FRY: variants seen among roughly 807,000 people sequenced by gnomAD.
FRY encodes the protein protein furry homolog.
FRY carries 128 observed loss-of-function variants against 348.4 expected under a neutral mutation model. That is an observed-to-expected ratio of 0.37 (90% CI 0.32 to 0.43). FRY has a LOEUF of 0.43. FRY is among the 20% of genes least tolerant of loss of function. FRY has a pLI of 1.00. For missense variants in FRY, 2,736 were observed against 3,695.2 expected, an observed-to-expected ratio of 0.74 and a Z score of 6.73; for synonymous variants, 1,370 against 1,374.7, an observed-to-expected ratio of 1.00 and a Z score of 0.08.
intron 29 of FRY, among the ~76,000 whole-genome samples, chr13:32,194,908 A>AAG (rs3067770): frequency 0.74 from 112,476 of 151,932 alleles, 41,963 homozygotes; most frequent in East Asian, 0.98. Flanking sequence ...ATTCCCAAGA[A>AAG]AGCTTATGTA....
intron 2 of FRY, among the ~76,000 whole-genome samples, chr13:32,092,915 A>T (rs1300994505): frequency 1.3e-5 from 2 of 152,218 alleles, no homozygotes; most frequent in African/African-American, 4.8e-5. Context: ...CATCTTTAAA[A>T]ACGAGACATT....
At chr13:32,205,703 G>C (rs77934408) in intron 31 of FRY, among the ~76,000 whole-genome samples, 1 of 152,018 alleles carries the variant, frequency 6.6e-6, no homozygotes, top group Non-Finnish European at 1.5e-5. Flanking sequence ...AAGCTGCTGG[G>C]GTTTTGAAAG....
At chr13:32,051,332 A>G (rs1318464019) in intron 1 of FRY, among the ~76,000 whole-genome samples, 4 of 152,192 alleles carry the variant, frequency 2.6e-5, no homozygotes, top group African/African-American at 9.7e-5. Flanking sequence ...TGGGAGAGGA[A>G]GAAGCAGAGG....
intron 2 of FRY, among the ~76,000 whole-genome samples, chr13:32,092,854 C>G: frequency 6.6e-6 from 1 of 152,034 alleles, no homozygotes. Context: ...AGGAAAAGAT[C>G]AAAAAAATTG....
At chr13:32,243,935 T>TA (rs1186396580) in intron 46 of FRY, 107 bp from the exon 47 acceptor site, 5 of 1,304,024 alleles carry the variant, frequency 3.8e-6, no homozygotes, top group Non-Finnish European at 5.4e-6. Flanking sequence ...CCTAAAAAAA[T>TA]AAAAAATAAA....
intron 36 of FRY, among the ~76,000 whole-genome samples, chr13:32,223,937 A>G (rs1885448051): frequency 6.6e-6 from 1 of 151,766 alleles, no homozygotes; most frequent in Admixed American, 6.6e-5. Context: ...GGGTTTTGCC[A>G]TGTTGGCCAG....
rs1402625914 is a variant in FRY at position 32,239,485 on chromosome 13, G to A, written c.6516+136G>A. On this transcript the variant is annotated intron_variant, in intron 45 of 60. Transcript: ENST00000542859. This position sits in a 1 kb window ranked among gnomAD's most constrained non-coding sequence, Gnocchi z 4.3. ...AATAATAACTAATATCACAGTAATGGAAATATAGGGGTGGCTGATGCAAAT... is the reference window on the plus strand; with the variant it reads ...AATAATAACTAATATCACAGTAATGAAAATATAGGGGTGGCTGATGCAAAT... 2.7e-6 allele frequency: 2 copies of A among 733,046 alleles called. No individual in the cohort carries two copies. Among genetic ancestry groups the A allele is most frequent in the Non-Finnish European group, 5.0e-6 (2 of 403,826 alleles). 45.4% of individuals were successfully genotyped at this position (733,046 alleles called of 1,614,324 possible).
At chr13:32,285,221 A>G (rs988890126) in intron 58 of FRY, among the ~76,000 whole-genome samples, 10 of 152,212 alleles carry the variant, frequency 6.6e-5, no homozygotes, top group African/African-American at 2.4e-4. Flanking sequence ...TAGAATGTGG[A>G]TACAGAAAAA....
chr13:32,143,083 C>T (rs1028008966), intron 11 of FRY, among the ~76,000 whole-genome samples: 18 of 152,268 alleles, frequency 1.2e-4, no homozygotes, highest in Admixed American at 1.2e-3. Flanking sequence ...CAAGGTTCAC[C>T]TACCACAAGG....
intron 55 of FRY, among the ~76,000 whole-genome samples, chr13:32,272,649 C>A (rs933062459): frequency 3.3e-5 from 5 of 152,148 alleles, no homozygotes; most frequent in Admixed American, 2.6e-4. Context: ...CAGAGCAAGA[C>A]CCCATCTCAA....
In FRY at chr13:32,079,044, G is replaced by A. The variant is rs756904665; in HGVS notation, c.270+11G>A. ...ATGGCAGAGCCCCTGGTGAGTACAT[G>A]CCGTGGAAACTGCCTCTTTGAAAAT... On this transcript the variant is annotated intron_variant, in intron 2 of 60. Transcript: ENST00000542859. 1.3e-6 allele frequency: 2 copies of A among 1,594,302 alleles called. No individual in the cohort carries two copies. Among genetic ancestry groups the A allele is most frequent in the Non-Finnish European group, 1.7e-6 (2 of 1,162,320 alleles).
At chr13:32,250,848 A>C (rs762319354) in intron 49 of FRY, among the ~76,000 whole-genome samples, 1 of 152,186 alleles carries the variant, frequency 6.6e-6, no homozygotes, top group Non-Finnish European at 1.5e-5. Context: ...AGAGAGAAGA[A>C]AATACAGCCC....
chr13:32,242,886 G>A (rs766462690), intron 46 of FRY, among the ~76,000 whole-genome samples: 2 of 152,134 alleles, frequency 1.3e-5, no homozygotes, highest in Non-Finnish European at 2.9e-5. Flanking sequence ...TCAACATTTA[G>A]TTGGATCATC....
chr13:32,225,893 G>A lies in FRY; in HGVS notation c.5125G>A (p.Val1709Met), dbSNP rs761819716. ...CNSNFHSIASVLLQTREMGEA... is the reference protein window; with the variant it reads ...CNSNFHSIASMLLQTREMGEA... ...CAGCAATTTCCATTCCATTGCTTCC[G>A]TGCTCCTGCAGACCCGAGAGATGGG... Residue 1709 changes from valine to methionine, a missense_variant, in exon 39 of 61, where the codon GTG (valine) becomes ATG (methionine). By Grantham distance (21) the Val-to-Met change is conservative. Around this residue, in one of 9 missense-constraint regions of FRY, gnomAD observed 794 missense variants for 977.0 expected, o/e 0.81. Transcript: ENST00000542859. 3.4e-5 allele frequency: 55 copies of A among 1,613,982 alleles called. No homozygotes were observed. In the East Asian group the frequency reaches 4.7e-4, roughly 14 times the overall value.
At chr13:32,164,042 A>AG in intron 17 of FRY, among the ~76,000 whole-genome samples, 1 of 152,194 alleles carries the variant, frequency 6.6e-6, no homozygotes, top group Non-Finnish European at 1.5e-5. Context: ...TGTTCTCCTC[A>AG]GGGGGAAGGA....
rs572230029 is a variant in FRY, at chr13:32,062,537, A to T, written c.71-16297A>T. ...GCTTCTGTGAATTGGTAGATTTATT[A>T]CCATCTTAGATTATAAATTTCTGGT... is the stretch of plus-strand genomic sequence containing the variant. On this transcript the variant is annotated intron_variant, in intron 1 of 60. Transcript: ENST00000542859. Among the ~76,000 whole-genome samples, 300 of 152,320 alleles carry T rather than the reference A, an allele frequency of 2.0e-3. 1 individual carries two copies. Among genetic ancestry groups the T allele is most frequent in the Non-Finnish European group, 7.1e-4 (48 of 68,012 alleles).
At chr13:32,275,850 C>T (rs1888508874) in intron 56 of FRY, among the ~76,000 whole-genome samples, 2 of 151,964 alleles carry the variant, frequency 1.3e-5, no homozygotes, top group South Asian at 4.2e-4. Flanking sequence ...GACTGACGAG[C>T]TCCTGGAGGG....
chr13:32,124,524 T>C lies in FRY; in HGVS notation c.556-78T>C. ...GTTTATTGATTGCTATTGATTGTCA[T>C]ATATAGTTATTGGAAGTACTGTACC... is the stretch of plus-strand genomic sequence containing the variant. On this transcript the variant is annotated intron_variant, in intron 5 of 60. Transcript: ENST00000542859. 6 of 897,786 alleles carry C rather than the reference T, an allele frequency of 6.7e-6. No individual in the cohort carries two copies. The South Asian group carries it at 8.1e-5, about 12-fold the overall frequency. The allele number at this position is 897,786 out of a possible 1,614,324, so 55.6% of individuals were successfully genotyped here.
In FRY at chr13:32,133,704, G is replaced by A. The variant is rs554087702; in HGVS notation, c.886-1200G>A. Reference sequence around the variant, plus strand: ...AACAGAAAATAAAGGGAAATAGCCAGTGTAGATATTAACATGTTATTATAT... The same window carrying A: ...AACAGAAAATAAAGGGAAATAGCCAATGTAGATATTAACATGTTATTATAT... On this transcript the variant is annotated intron_variant, in intron 8 of 60. Transcript: ENST00000542859. Among the ~76,000 whole-genome samples, 59 of 150,034 alleles carry A rather than the reference G, an allele frequency of 3.9e-4. 3 individuals carry two copies. In the South Asian group the frequency reaches 0.011, roughly 29 times the overall value.
Sources: allele counts gnomAD v4.1 joint callset (sites outside exome capture counted in the v4.1 genomes callset), GRCh38; gene constraint gnomAD v4.1.1; regional missense constraint gnomAD v4.1.1; non-coding constraint Gnocchi (gnomAD v3.1); transcripts MANE v1.5; gene names NCBI Gene and HGNC (gene_info 2026-07-23, HGNC 2026-07-21).